The following IFIH1 variants were observed in gnomAD, a reference collection of about 807,000 sequenced individuals.
IFIH1 encodes interferon induced with helicase C domain 1.
A neutral mutation model predicts 107.4 loss-of-function variants in IFIH1; 125 were observed. That is an observed-to-expected ratio of 1.16 (90% CI 1.01 to 1.35). The LOEUF (loss-of-function observed/expected upper bound fraction) is 1.35, where lower values mean the gene tolerates loss of function less well. Among genes scored for constraint, IFIH1 ranks in the 40% most tolerant of loss-of-function variants. The pLI, the probability that IFIH1 is intolerant of heterozygous loss-of-function variation, is 0.00. For synonymous variants in IFIH1, 458 were observed against 413.2 expected (o/e 1.11, Z -1.31); for missense variants, 1,333 against 1,213.7 (o/e 1.10, Z -1.46).
In IFIH1 at chr2:162,314,402, T is replaced by C. The variant is rs1372406959; in HGVS notation, c.453+3453A>G. 8.9e-3 allele frequency among the ~76,000 whole-genome samples: 601 copies of C among 67,460 alleles called. 45 individuals are homozygous for C. The highest frequency in any genetic ancestry group is 0.062 in the African/African-American group (549 of 8,908). The allele number at this position is 67,460 out of a possible 152,430, so 44.3% of individuals were successfully genotyped here. A position where few individuals can be genotyped will look rare whatever the true frequency, so the allele number is the denominator to read the frequency against. Reference sequence around the variant, plus strand: ...TCCCTCCCTCCCTCCCTCCCTCCTTTCTTTCTTTCTTTCTTTTCTTTCTTT... The same window carrying C: ...TCCCTCCCTCCCTCCCTCCCTCCTTCCTTTCTTTCTTTCTTTTCTTTCTTT... On this transcript the variant is annotated intron_variant, in intron 1 of 15. Transcript: ENST00000649979.
At chr2:162,309,174 G>C (rs1412303775) in intron 2 of IFIH1, among the ~76,000 whole-genome samples, 1 of 152,180 alleles carries the variant, frequency 6.6e-6, no homozygotes, top group Non-Finnish European at 1.5e-5. Flanking sequence ...GAATAGCTCT[G>C]TTTGGTTTGA....
rs139661131 is a variant in IFIH1 at position 162,278,196 on chromosome 2, C to T, written c.1765+9G>A. ...GATAAACTAAGTGTTAGGTCCAAACCTAAATTACCTTTTTTTTCCATTTGA... is the reference window on the plus strand; with the variant it reads ...GATAAACTAAGTGTTAGGTCCAAACTTAAATTACCTTTTTTTTCCATTTGA... On this transcript the variant is annotated intron_variant, in intron 9 of 15. Transcript: ENST00000649979. The T allele has an allele frequency of 4.3e-5, 69 of 1,600,134 alleles. No individual in the cohort carries two copies. The highest frequency in any genetic ancestry group is 1.9e-4 in the Middle Eastern group (1 of 5,198).
Position 162,318,620 on chromosome 2 carries a change from C to A in IFIH1, c.-313G>T, listed in dbSNP as rs1192203017. On this transcript the variant is annotated 5_prime_UTR_variant, in exon 1 of 16. Coordinates refer to ENST00000649979, the MANE Select transcript of IFIH1 (RefSeq NM_022168.4). ...GCCTGGGGTCCCGGACCGGGGCGAT[C>A]CTGCTGCACACTCGGGTAGGAGCTT... 2.7e-5 allele frequency: 5 copies of A among 188,198 alleles called. No homozygotes were observed. Among genetic ancestry groups the A allele is most frequent in the Non-Finnish European group, 4.3e-5 (4 of 92,394 alleles). 11.7% of individuals were successfully genotyped at this position (188,198 alleles called of 1,614,324 possible).
At position 162,277,416 on chromosome 2, in the gene IFIH1, A is replaced by G. The variant is rs148471793; in HGVS notation, c.2043T>C (p.Phe681=). The G allele has an allele frequency of 1.0e-4, 164 of 1,604,260 alleles. No individual in the cohort carries two copies. Among genetic ancestry groups the G allele is most frequent in the Non-Finnish European group, 1.2e-4 (145 of 1,173,040 alleles). The change falls in exon 10 of 16, where the codon TTT becomes TTC. Residue 681 remains phenylalanine, a splice_region_variant and synonymous_variant. Coordinates refer to ENST00000649979, the MANE Select transcript of IFIH1 (RefSeq NM_022168.4). ...ETDRFLMTLF[F]ENNKMLKRLA... ...AGTATATGTTACTTTGAATCTTACCAAAAAATAAAGTCATGAGAAATCTAT... is the reference window on the plus strand; with the variant it reads ...AGTATATGTTACTTTGAATCTTACCGAAAAATAAAGTCATGAGAAATCTAT...
chr2:162,295,567 A>G (rs1457174506), intron 3 of IFIH1, among the ~76,000 whole-genome samples: 3 of 152,040 alleles, frequency 2.0e-5, no homozygotes, highest in Non-Finnish European at 4.4e-5. Flanking sequence ...AAAAATTCTC[A>G]ATGGACATAC....
At chr2:162,287,265 A>T (rs1484842119) in intron 5 of IFIH1, among the ~76,000 whole-genome samples, 1 of 151,934 alleles carries the variant, frequency 6.6e-6, no homozygotes, top group Non-Finnish European at 1.5e-5. Flanking sequence ...TAAAAAATAG[A>T]ATATTTTACA....
intron 1 of IFIH1, among the ~76,000 whole-genome samples, chr2:162,311,600 C>T (rs1683385739): frequency 6.6e-6 from 1 of 151,526 alleles, no homozygotes; most frequent in African/African-American, 2.4e-5. Flanking sequence ...GAGTCTTTAG[C>T]CTTCTTTTAT....
intron 12 of IFIH1, 130 bp downstream of exon 12, chr2:162,273,665 C>G (rs1050073408): frequency 1.6e-5 from 11 of 701,380 alleles, no homozygotes; most frequent in Non-Finnish European, 2.6e-5. Context: ...TAAAAATGCT[C>G]TTTTAACAGG....
At position 162,292,671 on chromosome 2, in the gene IFIH1, G is replaced by A. The variant is rs181386387; in HGVS notation, c.874+893C>T. Among the ~76,000 whole-genome samples, 508 of 151,880 alleles carry A rather than the reference G, an allele frequency of 3.3e-3. 1 individual carries two copies. Among genetic ancestry groups the A allele is most frequent in the African/African-American group, 0.012 (484 of 41,482 alleles). On this transcript the variant is annotated intron_variant, in intron 4 of 15. Coordinates refer to ENST00000649979, the MANE Select transcript of IFIH1 (RefSeq NM_022168.4). Reference sequence around the variant, plus strand: ...AACTCAATCACAAATGAAGAATAAAGTAATGTGTTTCTTAATTTATCATTT... The same window carrying A: ...AACTCAATCACAAATGAAGAATAAAATAATGTGTTTCTTAATTTATCATTT...
In IFIH1 at chr2:162,267,312, A is replaced by T; in HGVS notation, c.2966T>A (p.Val989Glu). 5 of 1,612,476 alleles carry T rather than the reference A, an allele frequency of 3.1e-6. No homozygotes were observed. The highest frequency in any genetic ancestry group is 4.2e-6 in the Non-Finnish European group (5 of 1,179,580). ...CTTTGTTGAATTATTTTTGAAAACC[A>T]CTACAAAATTCCTTATTTTGAGACA... ...LPCLKIRNFV[V>E]VFKNNSTKKQ... The change falls in exon 16 of 16, where the codon GTG (valine) becomes GAG (glutamate). Residue 989 changes from valine to glutamate, a missense_variant. Transcript: ENST00000649979.
At chr2:162,297,353 A>C (rs1683109434) in intron 3 of IFIH1, among the ~76,000 whole-genome samples, 1 of 152,174 alleles carries the variant, frequency 6.6e-6, no homozygotes, top group Admixed American at 6.6e-5. Context: ...TGATTTTATA[A>C]GTAGATCGCA....
At position 162,293,562 on chromosome 2, in the gene IFIH1, ACCTGAATCACTTCCCATGGTG is replaced by A. The variant is rs1195353990; in HGVS notation, c.855_874+1del. On this transcript the variant is annotated splice_donor_variant and coding_sequence_variant, in exon 4 of 16. Transcript: ENST00000649979. LOFTEE classifies it high-confidence loss of function. The stretch of plus-strand genomic sequence containing the variant: ...AAGGTTTACACAACAGTTAGGCAGT[ACCTGAATCACTTCCCATGGTG>A]CCTGAATCACTGCCCATGTTGCTGT... The A allele has an allele frequency of 1.3e-6, 2 of 1,594,056 alleles. No homozygotes were observed. Among genetic ancestry groups the A allele is most frequent in the Admixed American group, 1.7e-5 (1 of 59,682 alleles).
intron 5 of IFIH1, among the ~76,000 whole-genome samples, chr2:162,284,803 GTGAGGACAAGATCTACATT>G (rs778555300): frequency 9.6e-4 from 146 of 151,598 alleles, no homozygotes; most frequent in South Asian, 2.3e-3. Flanking sequence ...TGTATATTTC[GTGAGGACAAGATCTACATT>G]TGATTTGTCT....
At chr2:162,273,320 A>G (rs1050136129) in intron 12 of IFIH1, among the ~76,000 whole-genome samples, 3 of 152,156 alleles carry the variant, frequency 2.0e-5, no homozygotes, top group Admixed American at 6.5e-5. Flanking sequence ...CCCCCAACCA[A>G]CATTTTATCA....
rs369802512 is a variant in IFIH1, at chr2:162,308,225, ACT to A, written c.623-1372_623-1371del. The stretch of plus-strand genomic sequence containing the variant: ...ACAGCAGGGTCAATGTCTGATGAGG[ACT>A]CTCTCCTTGATTTGCAGATGGCCAC... On this transcript the variant is annotated intron_variant, in intron 2 of 15. Coordinates refer to ENST00000649979, the MANE Select transcript of IFIH1 (RefSeq NM_022168.4). Among the ~76,000 whole-genome samples, 74 of 151,636 alleles carry A rather than the reference ACT, an allele frequency of 4.9e-4. No individual in the cohort carries two copies. In the East Asian group the frequency reaches 0.014, roughly 29 times the overall value.
chr2:162,294,844 T>C, intron 3 of IFIH1, among the ~76,000 whole-genome samples: 1 of 151,836 alleles, frequency 6.6e-6, no homozygotes, highest in Non-Finnish European at 1.5e-5. Flanking sequence ...AAAACTAGTC[T>C]GAGTGTCATA....
chr2:162,302,373 T>G (rs1446201744), intron 3 of IFIH1, among the ~76,000 whole-genome samples: 1 of 152,204 alleles, frequency 6.6e-6, no homozygotes, highest in East Asian at 1.9e-4. Flanking sequence ...AATTTGAGTC[T>G]TTTCTTTATA....
At position 162,277,693 on chromosome 2, in the gene IFIH1, G is replaced by T. The variant is rs145792185; in HGVS notation, c.1766C>A (p.Ala589Asp). The T allele has an allele frequency of 7.6e-5, 121 of 1,599,314 alleles. No individual in the cohort carries two copies. In the African/African-American group the frequency reaches 1.5e-3, roughly 20 times the overall value. Residue 589 changes from alanine (A) to aspartate (D), a missense_variant and splice_region_variant, in exon 10 of 16, where the codon GCT becomes GAT. By Grantham distance (126) the Ala-to-Asp change is moderately radical (BLOSUM62 -2). Coordinates refer to ENST00000649979, the MANE Select transcript of IFIH1 (RefSeq NM_022168.4). ...TTCTTTGCGATTTCCTTCTTTTGCA[G>T]CTGTGAAAAAATATATTATGTAAGT... ...EQWAIQMEKK[A>D]AKEGNRKERV...
chr2:162,318,368 C>T lies in IFIH1; in HGVS notation c.-61G>A. The T allele has an allele frequency of 7.1e-7, 1 of 1,399,870 alleles. No homozygotes were observed. Among genetic ancestry groups the T allele is most frequent in the Non-Finnish European group, 1.0e-6 (1 of 1,001,806 alleles). The allele number at this position is 1,399,870 out of a possible 1,614,324, so 86.7% of individuals were successfully genotyped here. On this transcript the variant is annotated 5_prime_UTR_variant, in exon 1 of 16. Transcript: ENST00000649979. ...GCAGATGGTGCTGTTGTCTGCGGGACAGGTGAAATGTGCGTGCCGCTGTCC... is the reference window on the plus strand; with the variant it reads ...GCAGATGGTGCTGTTGTCTGCGGGATAGGTGAAATGTGCGTGCCGCTGTCC...
Sources: allele counts gnomAD v4.1 joint callset (sites outside exome capture counted in the v4.1 genomes callset), GRCh38; gene constraint gnomAD v4.1.1; transcripts MANE v1.5; gene names NCBI Gene and HGNC (gene_info 2026-07-23, HGNC 2026-07-21).